The following SDC2 variants were observed in gnomAD, a reference collection of about 807,000 sequenced individuals.
SDC2 encodes syndecan 2.
SDC2 carries 13 observed loss-of-function variants against 22.2 expected under a neutral mutation model. The observed-to-expected ratio is 0.59, with a 90% CI of 0.38 to 0.93. The LOEUF (loss-of-function observed/expected upper bound fraction) is 0.93, where lower values mean the gene tolerates loss of function less well. Among genes scored for constraint, SDC2 ranks in the 40% least tolerant of loss-of-function variants. The pLI is 0.00. For missense variants in SDC2, 235 were observed against 246.8 expected, an observed-to-expected ratio of 0.95 and a Z score of 0.32; for synonymous variants, 94 against 92.8, an observed-to-expected ratio of 1.01 and a Z score of -0.07.
intron 1 of SDC2, among the ~76,000 whole-genome samples, chr8:96,550,360 A>G (rs1436406252): frequency 6.6e-6 from 1 of 152,172 alleles, no homozygotes; most frequent in Non-Finnish European, 1.5e-5. Flanking sequence ...GGATAATGCA[A>G]ATATTGGAAA....
At chr8:96,578,612 T>C (rs1277863773) in intron 1 of SDC2, among the ~76,000 whole-genome samples, 1 of 152,214 alleles carries the variant, frequency 6.6e-6, no homozygotes, top group African/African-American at 2.4e-5. Context: ...GAGGTCTGTT[T>C]GCTGAAGAAC....
At position 96,494,273 on chromosome 8, in the gene SDC2, T is replaced by TG; in HGVS notation, c.3dup (p.Arg2_?1). ...GGGAGCAGCCGGTCCCTGGGGAATA[T>TG]GCGGCGCGCGTGGATCCTGCTCACC... On this transcript the variant is annotated frameshift_variant and start_lost, in exon 1 of 5. Coordinates refer to ENST00000302190, the MANE Select transcript of SDC2 (RefSeq NM_002998.4). LOFTEE classifies it high-confidence loss of function. 6.5e-7 allele frequency: 1 copy of TG among 1,545,316 alleles called. No homozygotes were observed. The highest frequency in any genetic ancestry group is 1.4e-5 in the African/African-American group (1 of 73,310).
intron 1 of SDC2, among the ~76,000 whole-genome samples, chr8:96,535,573 A>G (rs1813741669): frequency 6.6e-6 from 1 of 152,238 alleles, no homozygotes; most frequent in Non-Finnish European, 1.5e-5. Flanking sequence ...CGACAGGTTA[A>G]TAGGAGATTC....
intron 1 of SDC2, among the ~76,000 whole-genome samples, chr8:96,592,064 G>A (rs1814790286): frequency 6.6e-6 from 1 of 152,186 alleles, no homozygotes; most frequent in Non-Finnish European, 1.5e-5. Flanking sequence ...AAAAGTTGCA[G>A]CACACTCTTG....
intron 1 of SDC2, among the ~76,000 whole-genome samples, chr8:96,549,789 T>G (rs1180505997): frequency 6.6e-6 from 1 of 152,236 alleles, no homozygotes; most frequent in Non-Finnish European, 1.5e-5. Context: ...GATTTTTTAG[T>G]TGAATAAACA....
At chr8:96,515,301 C>T (rs1272099417) in intron 1 of SDC2, among the ~76,000 whole-genome samples, 1 of 152,086 alleles carries the variant, frequency 6.6e-6, no homozygotes, top group East Asian at 1.9e-4. Context: ...CCTCTCTTCT[C>T]CTTTGGCAGC....
chr8:96,575,224 A>G (rs973158518), intron 1 of SDC2, among the ~76,000 whole-genome samples: 6 of 152,144 alleles, frequency 3.9e-5, no homozygotes, highest in Non-Finnish European at 7.4e-5. Flanking sequence ...AGCCTTCTAA[A>G]TATGTTTCCT....
At position 96,560,199 on chromosome 8, in the gene SDC2, A is replaced by G. The variant is rs1418754781; in HGVS notation, c.61-33281A>G. 4.6e-5 allele frequency among the ~76,000 whole-genome samples: 7 copies of G among 152,184 alleles called. No individual in the cohort carries two copies. In the East Asian group the frequency reaches 7.7e-4, roughly 17 times the overall value. The stretch of plus-strand genomic sequence containing the variant: ...TATCACTAATCTAATTTTTGTCTCT[A>G]TAGTTCAATTGGTATCTTTCTAAAC... On this transcript the variant is annotated intron_variant, in intron 1 of 4. Coordinates refer to ENST00000302190, the MANE Select transcript of SDC2 (RefSeq NM_002998.4).
chr8:96,610,692 C>T lies in SDC2; in HGVS notation c.*1144C>T, dbSNP rs2130670484. 1.3e-5 allele frequency: 2 copies of T among 152,708 alleles called. No homozygotes were observed. The highest frequency in any genetic ancestry group is 4.8e-5 in the African/African-American group (2 of 41,562). The allele number at this position is 152,708 out of a possible 1,614,324, so 9.5% of individuals were successfully genotyped here. A position where few individuals can be genotyped will look rare whatever the true frequency, so the allele number is the denominator to read the frequency against. On this transcript the variant is annotated 3_prime_UTR_variant, in exon 5 of 5. Transcript: ENST00000302190. Reference sequence around the variant, plus strand: ...ATTTTTGATCAAATGTACATCTCCCCTTTGCTAACGGCCGTCTGCTCTCAA... The same window carrying T: ...ATTTTTGATCAAATGTACATCTCCCTTTTGCTAACGGCCGTCTGCTCTCAA...
intron 1 of SDC2, among the ~76,000 whole-genome samples, chr8:96,533,905 C>T (rs977786609): frequency 3.9e-5 from 6 of 152,136 alleles, no homozygotes; most frequent in African/African-American, 7.2e-5. Context: ...GGGCGGCGCT[C>T]GTTGGGGAGG....
intron 1 of SDC2, among the ~76,000 whole-genome samples, chr8:96,532,412 GTTTTTTTTT>G (rs35452131): frequency 2.1e-5 from 1 of 47,944 alleles, no homozygotes; most frequent in East Asian, 6.1e-4. Context: ...TTATTGAGGC[GTTTTTTTTT>G]TTTTTTTTTT....
intron 1 of SDC2, among the ~76,000 whole-genome samples, chr8:96,549,693 C>T (rs1455224588): frequency 6.6e-6 from 1 of 152,096 alleles, no homozygotes; most frequent in African/African-American, 2.4e-5. Context: ...AGTTTCTCTT[C>T]GAGAGTAGGA....
intron 1 of SDC2, among the ~76,000 whole-genome samples, chr8:96,531,162 T>C (rs895034): frequency 0.21 from 31,483 of 152,160 alleles, 3,730 homozygotes; most frequent in African/African-American, 0.32. Context: ...CATTTACATA[T>C]CGAGACCCAG....
At chr8:96,583,516 G>T (rs1299745090) in intron 1 of SDC2, among the ~76,000 whole-genome samples, 1 of 150,402 alleles carries the variant, frequency 6.6e-6, no homozygotes, top group Non-Finnish European at 1.5e-5. Context: ...TGACTTATCG[G>T]TCTTGTGCTT....
intron 2 of SDC2, among the ~76,000 whole-genome samples, chr8:96,601,899 C>T (rs1456230459): frequency 6.6e-6 from 1 of 151,852 alleles, no homozygotes; most frequent in Non-Finnish European, 1.5e-5. Context: ...GCTGGGATTA[C>T]AGGCGTGCGC....
chr8:96,517,771 ATGTGTGTGTGTGTG>A lies in SDC2; in HGVS notation c.60+23458_60+23471del, dbSNP rs34151563. Among the ~76,000 whole-genome samples the A allele has an allele frequency of 1.0e-3, 150 of 149,470 alleles. 2 individuals are homozygous for A. The East Asian group carries it at 0.019, about 19-fold the overall frequency. Reference sequence around the variant, plus strand: ...TAAATACACACGTTTGTGTGTGTGCATGTGTGTGTGTGTGTGTGTGTGTGTGTGTGTATATATAT... The same window carrying A: ...TAAATACACACGTTTGTGTGTGTGCATGTGTGTGTGTGTGTGTATATATAT... On this transcript the variant is annotated intron_variant, in intron 1 of 4. Transcript: ENST00000302190.
At chr8:96,515,836 A>G (rs1347650477) in intron 1 of SDC2, among the ~76,000 whole-genome samples, 1 of 152,178 alleles carries the variant, frequency 6.6e-6, no homozygotes, top group African/African-American at 2.4e-5. Flanking sequence ...TTAAATTTGA[A>G]AATCTCCCAA....
intron 1 of SDC2, among the ~76,000 whole-genome samples, chr8:96,527,919 T>C (rs915930498): frequency 3.9e-5 from 6 of 152,206 alleles, no homozygotes; most frequent in Non-Finnish European, 8.8e-5. Context: ...GTGTGATATA[T>C]TTATAATAGA....
In SDC2 at chr8:96,602,502, C is replaced by T. The variant is rs1423415906; in HGVS notation, c.280C>T (p.Gln94Ter). ...PKVETTTLNI[Q>*]NKIPAQTKSP... ...AGTGGAAACCACGACGCTGAATATACAGAACAAGATACCTGCTCAGACAAA... is the reference window on the plus strand; with the variant it reads ...AGTGGAAACCACGACGCTGAATATATAGAACAAGATACCTGCTCAGACAAA... The change falls in exon 3 of 5, where the codon CAG (glutamine) becomes TAG (stop). Residue 94 changes from glutamine to a stop codon, truncating the protein, a stop_gained. Transcript: ENST00000302190. LOFTEE classifies it high-confidence loss of function. The T allele has an allele frequency of 6.2e-7, 1 of 1,614,176 alleles. No individual in the cohort carries two copies. Among genetic ancestry groups the T allele is most frequent in the Non-Finnish European group, 8.5e-7 (1 of 1,180,002 alleles).
Sources: gnomAD v4.1 joint callset for allele counts (sites outside exome capture counted in the v4.1 genomes callset) on GRCh38, gnomAD v4.1.1 for gene constraint, MANE v1.5 for transcripts, NCBI Gene and HGNC (gene_info 2026-07-23, HGNC 2026-07-21) for gene names.